ANO3: variants seen among roughly 807,000 people sequenced by gnomAD.
The protein encoded by ANO3 is anoctamin-3.
ANO3 carries 99 observed loss-of-function variants against 144.8 expected under a neutral mutation model. That is an observed-to-expected ratio of 0.68 (90% confidence interval 0.58 to 0.81). The LOEUF (loss-of-function observed/expected upper bound fraction) is 0.81. ANO3 is among the 30% of genes least tolerant of loss of function. ANO3 has a pLI of 0.00. For missense variants in ANO3, 905 were observed against 1,202.2 expected (o/e 0.75, Z 3.66); for synonymous variants, 414 against 392.6 (o/e 1.05, Z -0.64).
intron 1 of ANO3, among the ~76,000 whole-genome samples, chr11:26,194,440 G>GTGTGTGTGTGTGTGTA (rs1491446044): frequency 0.12 from 3,225 of 26,124 alleles, 129 homozygotes; most frequent in African/African-American, 0.19. Flanking sequence ...GTACATAGTG[G>GTGTGTGTGTGTGTGTA]TGTGTGTGTG....
At chr11:26,279,918 A>G (rs1271398527) in intron 1 of ANO3, among the ~76,000 whole-genome samples, 1 of 152,190 alleles carries the variant, frequency 6.6e-6, no homozygotes, top group East Asian at 1.9e-4. Flanking sequence ...ATTTTTCTTC[A>G]ATAACTCTCC....
intron 1 of ANO3, among the ~76,000 whole-genome samples, chr11:26,424,957 A>G (rs1473892151): frequency 1.3e-5 from 2 of 152,034 alleles, no homozygotes; most frequent in African/African-American, 4.8e-5. Flanking sequence ...TTACATATGT[A>G]TACATGTGCC....
At chr11:26,305,639 G>GATT (rs1194823829), upstream of ANO3, among the ~76,000 whole-genome samples, 3 of 152,288 alleles carry the variant, frequency 2.0e-5, no homozygotes, top group East Asian at 5.8e-4. Flanking sequence ...TGTTTCTAAA[G>GATT]ATGAACTAAT....
chr11:26,459,633 C>T (rs536136885), intron 3 of ANO3, among the ~76,000 whole-genome samples: 1 of 151,772 alleles, frequency 6.6e-6, no homozygotes, highest in African/African-American at 2.4e-5. Context: ...TAGGCCAGGC[C>T]AGGCTCACAA....
chr11:26,240,886 T>C (rs1852649404), intron 1 of ANO3, among the ~76,000 whole-genome samples: 1 of 152,174 alleles, frequency 6.6e-6, no homozygotes, highest in African/African-American at 2.4e-5. Context: ...TAAATAAAAT[T>C]CATTGCTTAT....
At chr11:26,421,661 T>G (rs1430898030) in intron 1 of ANO3, among the ~76,000 whole-genome samples, 7 of 152,026 alleles carry the variant, frequency 4.6e-5, no homozygotes, top group African/African-American at 1.7e-4. Flanking sequence ...ATCAAGCACA[T>G]GTATGTTCAT....
chr11:26,258,274 A>C (rs893072759), intron 1 of ANO3, among the ~76,000 whole-genome samples: 1 of 152,164 alleles, frequency 6.6e-6, no homozygotes, highest in Middle Eastern at 3.2e-3. Flanking sequence ...TTTCAAAAAG[A>C]CACCTCAATT....
intron 14 of ANO3, among the ~76,000 whole-genome samples, chr11:26,562,356 G>A (rs1276687301): frequency 6.6e-6 from 1 of 151,792 alleles, no homozygotes; most frequent in African/African-American, 2.4e-5. Context: ...CTTCATCAAT[G>A]GGACCCACCA....
intron 17 of ANO3, among the ~76,000 whole-genome samples, chr11:26,622,438 AAAAAAG>A (rs1334838941): frequency 3.1e-4 from 47 of 151,602 alleles, no homozygotes; most frequent in Non-Finnish European, 5.6e-4. Flanking sequence ...CTGAAAAAAA[AAAAAAG>A]AAAAGAAAAT....
At chr11:26,294,874 T>A (rs574458494) in intron 1 of ANO3, among the ~76,000 whole-genome samples, 1 of 152,064 alleles carries the variant, frequency 6.6e-6, no homozygotes, top group Admixed American at 6.5e-5. Context: ...ATTTTCCTTT[T>A]TTTTCTTCTT....
intron 1 of ANO3, among the ~76,000 whole-genome samples, chr11:26,430,907 C>G (rs1390308480): frequency 6.6e-6 from 1 of 152,164 alleles, no homozygotes; most frequent in Non-Finnish European, 1.5e-5. Flanking sequence ...CACCCACAAT[C>G]AAGACCATGT....
In ANO3 at chr11:26,366,155, C is replaced by G. The variant is rs184493207; in HGVS notation, c.46+33834C>G. ...GCTATCCCTCCCACCTCCCCTCACC[C>G]CACAACAGGCTCCGGTGTGTGATGT... On this transcript the variant is annotated intron_variant, in intron 1 of 26. Transcript: ENST00000256737. Among the ~76,000 whole-genome samples the G allele has an allele frequency of 4.5e-4, 68 of 152,080 alleles. 2 individuals are homozygous for G. The East Asian group carries it at 0.013, about 28-fold the overall frequency.
At chr11:26,658,011 T>G (rs1237720773) in intron 26 of ANO3, among the ~76,000 whole-genome samples, 1 of 152,168 alleles carries the variant, frequency 6.6e-6, no homozygotes, top group Non-Finnish European at 1.5e-5. Context: ...TTGCCCATGC[T>G]TTTGAGTTCT....
chr11:26,367,998 C>T (rs562764414), intron 1 of ANO3, among the ~76,000 whole-genome samples: 1 of 152,270 alleles, frequency 6.6e-6, no homozygotes, highest in South Asian at 2.1e-4. Flanking sequence ...CCCACTAGGT[C>T]CCACCTCCTG....
At chr11:26,503,150 A>G (rs1014149412) in intron 4 of ANO3, among the ~76,000 whole-genome samples, 1 of 152,156 alleles carries the variant, frequency 6.6e-6, no homozygotes, top group African/African-American at 2.4e-5. Flanking sequence ...TACCTGATGA[A>G]TGAACTGCAT....
chr11:26,566,809 C>T (rs1850605350), intron 14 of ANO3, among the ~76,000 whole-genome samples: 1 of 65,626 alleles, frequency 1.5e-5, no homozygotes, highest in African/African-American at 5.4e-5. Context: ...TGGCTTCTGA[C>T]ACAAATAACT....
intron 17 of ANO3, among the ~76,000 whole-genome samples, chr11:26,600,703 A>G (rs993286320): frequency 7.2e-6 from 1 of 137,960 alleles, no homozygotes; most frequent in Non-Finnish European, 1.5e-5. Context: ...TGCCTGCTCT[A>G]TTCTATCAGG....
rs540039936 is a variant in ANO3, at chr11:26,557,576, G to A, written c.1387-2143G>A. Among the ~76,000 whole-genome samples the A allele has an allele frequency of 2.8e-4, 42 of 151,982 alleles. No homozygotes were observed. The East Asian group carries it at 6.0e-3, about 22-fold the overall frequency. ...TATTACATATTTAATTATATGTGTA[G>A]GACAAGATTCTTTTTGCTTTTAGAA... On this transcript the variant is annotated intron_variant, in intron 13 of 26. Coordinates refer to ENST00000256737, the MANE Select transcript of ANO3 (RefSeq NM_031418.4).
Position 26,215,257 on chromosome 11 carries a change from A to C in ANO3, c.154+25927A>C, listed in dbSNP as rs1852013962. ...AGTAGTAGCAAGAGAAAATTTTGAA[A>C]TTCTTCCTATTTTTCCTCATTTGTT... On this transcript the variant is annotated intron_variant, in intron 1 of 27. Transcript: ENST00000672621. Among the ~76,000 whole-genome samples, 15 of 151,962 alleles carry C rather than the reference A, an allele frequency of 9.9e-5. No homozygotes were observed. In the South Asian group the frequency reaches 3.1e-3, roughly 32 times the overall value.
Sources: gnomAD v4.1 joint callset for allele counts (sites outside exome capture counted in the v4.1 genomes callset) on GRCh38, gnomAD v4.1.1 for gene constraint, MANE v1.5 for transcripts, NCBI Gene and HGNC (gene_info 2026-07-23, HGNC 2026-07-21) for gene names.